The following STAP1 variants were observed in gnomAD, a reference collection of about 807,000 sequenced individuals.
STAP1 encodes the protein signal-transducing adaptor protein 1.
A neutral mutation model predicts 37.8 loss-of-function variants in STAP1; 30 were observed. The ratio of observed to expected loss-of-function variants is 0.79; its 90% confidence interval spans 0.59 to 1.08. The LOEUF (loss-of-function observed/expected upper bound fraction) is 1.08. STAP1 is among the 50% of genes least tolerant of loss of function. The pLI is 0.00. For synonymous variants in STAP1, 130 were observed against 116.0 expected, an observed-to-expected ratio of 1.12 and a Z score of -0.78; for missense variants, 357 against 349.4, an observed-to-expected ratio of 1.02 and a Z score of -0.17.
intron 1 of STAP1, among the ~76,000 whole-genome samples, chr4:67,561,615 A>G (rs1727339131): frequency 6.6e-6 from 1 of 150,982 alleles, no homozygotes; most frequent in Non-Finnish European, 1.5e-5. Context: ...TGGAAAAGAT[A>G]ATGTGGGAAG....
At chr4:67,561,816 G>A (rs1359108124) in intron 1 of STAP1, among the ~76,000 whole-genome samples, 1 of 152,146 alleles carries the variant, frequency 6.6e-6, no homozygotes, top group East Asian at 1.9e-4. Context: ...GCTCATGCAT[G>A]TAATCCCAGC....
At chr4:67,589,715 C>G (rs143139279) in intron 6 of STAP1, among the ~76,000 whole-genome samples, 1 of 152,168 alleles carries the variant, frequency 6.6e-6, no homozygotes, top group African/African-American at 2.4e-5. Flanking sequence ...CAAACATACT[C>G]TGGTTCAAAA....
At chr4:67,567,606 C>T (rs1013106773) in intron 1 of STAP1, among the ~76,000 whole-genome samples, 1 of 152,166 alleles carries the variant, frequency 6.6e-6, no homozygotes, top group Non-Finnish European at 1.5e-5. Flanking sequence ...AATTTTCTAG[C>T]CTTTGAATCT....
At chr4:67,579,520 T>TG (rs1436925175) in intron 4 of STAP1, among the ~76,000 whole-genome samples, 4 of 152,202 alleles carry the variant, frequency 2.6e-5, no homozygotes, top group Non-Finnish European at 5.9e-5. Flanking sequence ...AATTGGCTCC[T>TG]GGTTCTGCAG....
chr4:67,564,902 G>A (rs1441369679), intron 1 of STAP1, among the ~76,000 whole-genome samples: 1 of 152,132 alleles, frequency 6.6e-6, no homozygotes, highest in Non-Finnish European at 1.5e-5. Flanking sequence ...CTGGGTGACA[G>A]GAGACTCCAT....
At chr4:67,590,706 C>T (rs986440788) in intron 6 of STAP1, among the ~76,000 whole-genome samples, 178 bp from the exon 7 acceptor site, 1 of 149,146 alleles carries the variant, frequency 6.7e-6, no homozygotes, top group Non-Finnish European at 1.5e-5. Context: ...AAAAGACACT[C>T]TGCAAACCAG....
chr4:67,590,993 C>A (rs372505901), intron 7 of STAP1, 40 bp downstream of exon 7: 2 of 1,527,694 alleles, frequency 1.3e-6, no homozygotes, highest in African/African-American at 1.4e-5. Context: ...AACTTCCTCC[C>A]GATTCCTTAT....
chr4:67,600,770 G>C (rs1728321463), intron 8 of STAP1, among the ~76,000 whole-genome samples: 1 of 151,896 alleles, frequency 6.6e-6, no homozygotes, highest in Non-Finnish European at 1.5e-5. Context: ...TTTTTGACTT[G>C]AAATCTATTT....
At position 67,607,326 on chromosome 4, in the gene STAP1, T is replaced by C. The variant is rs889363262; in HGVS notation, c.*969T>C. 1 of 152,116 alleles carries C rather than the reference T, an allele frequency of 6.6e-6. No homozygotes were observed. The highest frequency in any genetic ancestry group is 1.5e-5 in the Non-Finnish European group (1 of 68,030). 9.4% of individuals were successfully genotyped at this position (152,116 alleles called of 1,614,324 possible). On this transcript the variant is annotated 3_prime_UTR_variant, in exon 9 of 9. Coordinates refer to ENST00000265404, the MANE Select transcript of STAP1 (RefSeq NM_012108.4). ...TTCTTGACTTGTGAGAAAATAAATTTGTGTTCCTTAATCCACATGGTCTGT... is the reference window on the plus strand; with the variant it reads ...TTCTTGACTTGTGAGAAAATAAATTCGTGTTCCTTAATCCACATGGTCTGT...
chr4:67,604,157 G>C (rs1728401698), intron 8 of STAP1, among the ~76,000 whole-genome samples: 1 of 152,200 alleles, frequency 6.6e-6, no homozygotes, highest in Non-Finnish European at 1.5e-5. Context: ...GTAGCACTGA[G>C]TTACAATGCA....
At chr4:67,601,728 T>A (rs1449707550) in intron 8 of STAP1, among the ~76,000 whole-genome samples, 3 of 152,196 alleles carry the variant, frequency 2.0e-5, no homozygotes, top group Non-Finnish European at 4.4e-5. Context: ...GTATTGGAGC[T>A]CCTTTGTATT....
intron 6 of STAP1, among the ~76,000 whole-genome samples, chr4:67,587,719 C>CTTTT (rs34808968): frequency 1.6e-5 from 2 of 128,066 alleles, no homozygotes; most frequent in African/African-American, 5.8e-5. Flanking sequence ...TTCTTTCTTT[C>CTTTT]TTTTTTTTTT....
At chr4:67,565,322 T>C (rs1211340340) in intron 1 of STAP1, among the ~76,000 whole-genome samples, 1 of 152,186 alleles carries the variant, frequency 6.6e-6, no homozygotes, top group African/African-American at 2.4e-5. Context: ...TTTTTAAACC[T>C]CTTTATTTAA....
intron 8 of STAP1, among the ~76,000 whole-genome samples, chr4:67,602,547 G>A (rs1728366719): frequency 1.3e-5 from 2 of 152,156 alleles, no homozygotes; most frequent in South Asian, 4.1e-4. Context: ...GGTCACTGCA[G>A]CCATATATAC....
At chr4:67,590,793 T>C in intron 6 of STAP1, 91 bp from the exon 7 acceptor site, 1 of 609,514 alleles carries the variant, frequency 1.6e-6, no homozygotes, top group Non-Finnish European at 2.6e-6. Context: ...ACAACATAGG[T>C]TGATTATACA....
intron 4 of STAP1, among the ~76,000 whole-genome samples, chr4:67,577,878 G>A (rs2109862483): frequency 6.6e-6 from 1 of 152,034 alleles, no homozygotes; most frequent in Non-Finnish European, 1.5e-5. Context: ...GGAACTCCTG[G>A]CCTCAAGTGA....
chr4:67,585,449 A>G (rs762425304), intron 6 of STAP1, among the ~76,000 whole-genome samples: 2 of 152,202 alleles, frequency 1.3e-5, no homozygotes, highest in Non-Finnish European at 2.9e-5. Flanking sequence ...CAGTAAACAG[A>G]TCCTTGTCTT....
At chr4:67,605,294 G>A (rs764267314) in intron 8 of STAP1, among the ~76,000 whole-genome samples, 7 of 149,912 alleles carry the variant, frequency 4.7e-5, no homozygotes, top group Non-Finnish European at 5.9e-5. Context: ...TTCTCTTGGG[G>A]TTTTAGGTGC....
chr4:67,600,612 G>C (rs1728318261), intron 8 of STAP1, among the ~76,000 whole-genome samples: 1 of 151,696 alleles, frequency 6.6e-6, no homozygotes, highest in Admixed American at 6.6e-5. Flanking sequence ...ATTGTACTGG[G>C]GTCTATCTCT....
Sources: gnomAD v4.1 joint callset for allele counts (sites outside exome capture counted in the v4.1 genomes callset) on GRCh38, gnomAD v4.1.1 for gene constraint, MANE v1.5 for transcripts, NCBI Gene and HGNC (gene_info 2026-07-23, HGNC 2026-07-21) for gene names.